CADM2: variants seen among roughly 807,000 people sequenced by gnomAD.
The protein encoded by CADM2 is immunoglobulin superfamily member 4D.
In CADM2, 12 loss-of-function variants were observed where a neutral mutation model predicts 49.8. The ratio of observed to expected loss-of-function variants is 0.24; its 90% CI spans 0.15 to 0.39. The LOEUF is 0.39. Ranked by LOEUF, CADM2 falls within the 10% of genes least tolerant of loss-of-function variation. The pLI, the probability that CADM2 is intolerant of heterozygous loss-of-function variation, is 1.00. For missense variants in CADM2, 378 were observed against 492.3 expected (o/e 0.77, Z 2.20); for synonymous variants, 214 against 175.4 (o/e 1.22, Z -1.74).
intron 1 of CADM2, among the ~76,000 whole-genome samples, chr3:85,654,600 G>T (rs1403036312): frequency 6.6e-6 from 1 of 152,080 alleles, no homozygotes; most frequent in Non-Finnish European, 1.5e-5. Flanking sequence ...AGTCATTGAG[G>T]CAATAGTAAA....
At chr3:85,510,828 T>G (rs2040582622) in intron 1 of CADM2, among the ~76,000 whole-genome samples, 1 of 152,010 alleles carries the variant, frequency 6.6e-6, no homozygotes, top group African/African-American at 2.4e-5. Flanking sequence ...TGCTAGGTAT[T>G]GTATTAAAAG....
intron 1 of CADM2, among the ~76,000 whole-genome samples, chr3:85,137,522 T>G (rs2039452742): frequency 6.6e-6 from 1 of 152,060 alleles, no homozygotes; most frequent in South Asian, 2.1e-4. Context: ...GGGGTTTGGA[T>G]AGATTTTACA....
intron 1 of CADM2, among the ~76,000 whole-genome samples, chr3:85,313,774 A>C (rs1456752188): frequency 6.6e-6 from 1 of 152,198 alleles, no homozygotes; most frequent in African/African-American, 2.4e-5. Context: ...ATAGAATGAT[A>C]TATTTCTTTG....
chr3:85,373,444 G>A (rs559193171), intron 1 of CADM2, among the ~76,000 whole-genome samples: 1 of 152,246 alleles, frequency 6.6e-6, no homozygotes, highest in Non-Finnish European at 1.5e-5. Context: ...CCTCCTGGCT[G>A]CTTTCACAGG....
chr3:85,555,590 T>C (rs1176526536), intron 1 of CADM2, among the ~76,000 whole-genome samples: 3 of 152,160 alleles, frequency 2.0e-5, no homozygotes, highest in African/African-American at 4.8e-5. Flanking sequence ...TTTTTATTTT[T>C]ACCCTAAGCC....
intron 1 of CADM2, among the ~76,000 whole-genome samples, chr3:85,246,165 A>C (rs1308729705): frequency 6.6e-6 from 1 of 152,166 alleles, no homozygotes; most frequent in Non-Finnish European, 1.5e-5. Context: ...ATGAAGCTGG[A>C]AACCATCATT....
At chr3:85,291,614 A>G (rs1166549542) in intron 1 of CADM2, among the ~76,000 whole-genome samples, 5 of 147,432 alleles carry the variant, frequency 3.4e-5, no homozygotes, top group Admixed American at 6.6e-5. Context: ...ACAAGCCAGA[A>G]GAGAGTGGGG....
chr3:85,474,793 A>G (rs757333311), intron 1 of CADM2, among the ~76,000 whole-genome samples: 4 of 151,856 alleles, frequency 2.6e-5, no homozygotes, highest in Non-Finnish European at 4.4e-5. Context: ...CATTTTAAGG[A>G]TTTAATTTGT....
intron 1 of CADM2, among the ~76,000 whole-genome samples, chr3:85,345,084 G>A (rs11708653): frequency 6.6e-6 from 1 of 151,912 alleles, no homozygotes; most frequent in Non-Finnish European, 1.5e-5. Context: ...GGGAGGCCGA[G>A]GTGAGTGGAT....
chr3:85,867,688 G>A (rs1331061806), intron 3 of CADM2, among the ~76,000 whole-genome samples: 1 of 151,990 alleles, frequency 6.6e-6, no homozygotes, highest in Non-Finnish European at 1.5e-5. Flanking sequence ...GCTACAAGAA[G>A]AAATACTTTG....
At chr3:85,601,124 A>ATGTGTG (rs10663541) in intron 1 of CADM2, among the ~76,000 whole-genome samples, 4,710 of 59,820 alleles carry the variant, frequency 0.079, 109 homozygotes, top group Non-Finnish European at 0.11. Flanking sequence ...GCATTTATAT[A>ATGTGTG]TGTGTGTATA....
At chr3:85,553,904 A>G (rs943182224) in intron 1 of CADM2, among the ~76,000 whole-genome samples, 1 of 152,226 alleles carries the variant, frequency 6.6e-6, no homozygotes, top group African/African-American at 2.4e-5. Flanking sequence ...AGCTGTTTGA[A>G]TCAGAAAAGC....
chr3:85,532,644 C>G (rs114933060), intron 1 of CADM2, among the ~76,000 whole-genome samples: 1 of 152,112 alleles, frequency 6.6e-6, no homozygotes. Flanking sequence ...TTGCCACCCA[C>G]AATTCCATTA....
chr3:85,532,263 TCC>T (rs2061331646), intron 1 of CADM2, among the ~76,000 whole-genome samples: 1 of 152,174 alleles, frequency 6.6e-6, no homozygotes, highest in African/African-American at 2.4e-5. Flanking sequence ...GGCAGTATTC[TCC>T]CTCCTCAAAC....
intron 1 of CADM2, among the ~76,000 whole-genome samples, chr3:85,605,670 C>G (rs1444630491): frequency 2.0e-5 from 3 of 152,022 alleles, no homozygotes; most frequent in African/African-American, 7.2e-5. Context: ...GCTCTATCCT[C>G]TTTATTTAGA....
At chr3:85,993,939 C>G (rs1729072103) in intron 8 of CADM2, 1 of 152,062 alleles carries the variant, frequency 6.6e-6, no homozygotes, top group Non-Finnish European at 1.5e-5. Context: ...TTATTAAAGG[C>G]CTTAGGATTT....
intron 8 of CADM2, among the ~76,000 whole-genome samples, chr3:85,964,986 G>T (rs2324938): frequency 0.7 from 105,442 of 151,302 alleles, 38,361 homozygotes; most frequent in African/African-American, 0.92. Flanking sequence ...TTCTTAACAT[G>T]TGAAGAACTA....
At chr3:85,655,193 C>G (rs72913172) in intron 1 of CADM2, among the ~76,000 whole-genome samples, 6,345 of 150,124 alleles carry the variant, frequency 0.042, 435 homozygotes, top group African/African-American at 0.15. Flanking sequence ...CTCACTGTAT[C>G]GCCCAGGCTG....
At chr3:85,426,447 T>G (rs744580) in intron 1 of CADM2, among the ~76,000 whole-genome samples, 1 of 151,894 alleles carries the variant, frequency 6.6e-6, no homozygotes, top group Admixed American at 6.6e-5. Flanking sequence ...ACTATTTTTT[T>G]AAAAAAATAT....
Sources: allele counts gnomAD v4.1 joint callset (sites outside exome capture counted in the v4.1 genomes callset), GRCh38; gene constraint gnomAD v4.1.1; transcripts MANE v1.5; gene names NCBI Gene and HGNC (gene_info 2026-07-23, HGNC 2026-07-21).